Variants in TBC1D12 observed in about 807,000 individuals in gnomAD.
The protein encoded by TBC1D12 is TBC1 domain family member 12.
In TBC1D12, 56 loss-of-function variants were observed where a neutral mutation model predicts 86.7. That is an observed-to-expected ratio of 0.65 (90% CI 0.52 to 0.81). The LOEUF (loss-of-function observed/expected upper bound fraction) is 0.81. TBC1D12 is among the 30% of genes least tolerant of loss of function. The probability of loss-of-function intolerance (pLI) is 0.00; values close to 1 mark genes in which losing one functional copy is unlikely to be tolerated. For missense variants in TBC1D12, 1,023 were observed against 1,038.8 expected (o/e 0.98, Z 0.21); for synonymous variants, 421 against 411.7 (o/e 1.02, Z -0.27).
At position 94,455,188 on chromosome 10, in the gene TBC1D12, AT is replaced by A. The variant is rs745609319; in HGVS notation, c.1095+13181del. Reference sequence around the variant, plus strand: ...TTGATGCAATTGATTAAATTAATTGATTTTTTTTTTTTAAACATTGAGCCAG... The same window carrying A: ...TTGATGCAATTGATTAAATTAATTGATTTTTTTTTTTAAACATTGAGCCAG... On this transcript the variant is annotated intron_variant, in intron 2 of 12. Transcript: ENST00000225235. Among the ~76,000 whole-genome samples, 382 of 147,072 alleles carry A rather than the reference AT, an allele frequency of 2.6e-3. 2 individuals are homozygous for A. Among genetic ancestry groups the A allele is most frequent in the East Asian group, 0.01 (52 of 5,048 alleles).
chr10:94,513,832 T>A (rs1399291991), intron 9 of TBC1D12, among the ~76,000 whole-genome samples: 1 of 152,162 alleles, frequency 6.6e-6, no homozygotes. Flanking sequence ...GTGCTGGGAT[T>A]ACAAGTGTGA....
At chr10:94,448,805 C>A (rs2055508442) in intron 2 of TBC1D12, among the ~76,000 whole-genome samples, 1 of 152,186 alleles carries the variant, frequency 6.6e-6, no homozygotes, top group Non-Finnish European at 1.5e-5. Flanking sequence ...TTGTTACACT[C>A]TTGCATGTTT....
At chr10:94,495,964 A>G (rs533005187) in intron 4 of TBC1D12, among the ~76,000 whole-genome samples, 7 of 152,178 alleles carry the variant, frequency 4.6e-5, no homozygotes, top group South Asian at 2.1e-4. Flanking sequence ...TTAGCTGGGC[A>G]TGGTGGTGTG....
intron 9 of TBC1D12, among the ~76,000 whole-genome samples, chr10:94,513,556 T>C (rs564931228): frequency 9.8e-5 from 15 of 152,304 alleles, no homozygotes; most frequent in Admixed American, 9.2e-4. Flanking sequence ...GTATTTCTTT[T>C]TTTATTTTTA....
intron 9 of TBC1D12, among the ~76,000 whole-genome samples, chr10:94,516,948 A>C (rs1313904008): frequency 6.6e-6 from 1 of 152,006 alleles, no homozygotes; most frequent in Non-Finnish European, 1.5e-5. Flanking sequence ...AGGTTTCACT[A>C]TGTTGCCCAG....
chr10:94,532,703 A>G (rs1471890860), intron 12 of TBC1D12, among the ~76,000 whole-genome samples: 1 of 152,226 alleles, frequency 6.6e-6, no homozygotes, highest in Non-Finnish European at 1.5e-5. Flanking sequence ...TTGGCAATCT[A>G]AGTTAAGTGA....
At chr10:94,464,492 G>A (rs1011646625) in intron 2 of TBC1D12, among the ~76,000 whole-genome samples, 1 of 152,008 alleles carries the variant, frequency 6.6e-6, no homozygotes, top group Non-Finnish European at 1.5e-5. Flanking sequence ...TTGAGACAAA[G>A]TCTGGCTCTA....
chr10:94,406,803 C>G (rs987144277), intron 1 of TBC1D12, among the ~76,000 whole-genome samples: 5 of 152,212 alleles, frequency 3.3e-5, no homozygotes, highest in African/African-American at 1.2e-4. Flanking sequence ...GCAACCCTTA[C>G]TCCCACTTCA....
Position 94,423,411 on chromosome 10 carries a change from G to A in TBC1D12, c.972-18485G>A, listed in dbSNP as rs1346410734. Among the ~76,000 whole-genome samples the A allele has an allele frequency of 2.2e-5, 3 of 137,364 alleles. No homozygotes were observed. In the East Asian group the frequency reaches 7.0e-4, roughly 32 times the overall value. 90.1% of individuals were successfully genotyped at this position (137,364 alleles called of 152,430 possible). On this transcript the variant is annotated intron_variant, in intron 1 of 12. Coordinates refer to ENST00000225235, the MANE Select transcript of TBC1D12 (RefSeq NM_015188.2). Reference sequence around the variant, plus strand: ...TGCCCAGGCTGGAGTGCAGTGGCACGATCTTGGCTCACTGCAACCTCCGCC... The same window carrying A: ...TGCCCAGGCTGGAGTGCAGTGGCACAATCTTGGCTCACTGCAACCTCCGCC...
Position 94,510,114 on chromosome 10 carries a change from G to C in TBC1D12, c.1624G>C (p.Ala542Pro), listed in dbSNP as rs2056508581. 1 of 1,609,234 alleles carries C rather than the reference G, an allele frequency of 6.2e-7. No individual in the cohort carries two copies. The highest frequency in any genetic ancestry group is 8.5e-7 in the Non-Finnish European group (1 of 1,178,820). Reference protein sequence around the residue: ...TEGVSVADREASLELIKLDIS... With the variant: ...TEGVSVADREPSLELIKLDIS... ...AGGTGTATCTGTTGCTGATCGAGAG[G>C]CCAGTCTGGAATTAATTAAGTTGGA... The change falls in exon 8 of 13, where the codon GCC becomes CCC. Residue 542 changes from alanine to proline, a missense_variant. By Grantham distance (27) the Ala-to-Pro change is conservative. This residue lies in a region of TBC1D12 where 395 missense variants were observed against 507.7 expected (regional missense o/e 0.78). Coordinates refer to ENST00000225235, the MANE Select transcript of TBC1D12 (RefSeq NM_015188.2).
In TBC1D12 at chr10:94,521,966, G is replaced by A. The variant is rs1842164322; in HGVS notation, c.1773G>A (p.Met591Ile). 8.7e-6 allele frequency: 14 copies of A among 1,603,976 alleles called. No homozygotes were observed. Among genetic ancestry groups the A allele is most frequent in the Non-Finnish European group, 1.2e-5 (14 of 1,173,256 alleles). The part of the protein sequence containing the change: ...YRPDVGYVQG[M>I]SFIAAVLILN... The stretch of plus-strand genomic sequence containing the variant: ...TTCTCCCTTTGAAGGTCCAAGGGAT[G>A]TCCTTCATTGCAGCAGTACTCATTC... Residue 591 changes from methionine to isoleucine, a missense_variant, in exon 10 of 13, where the codon ATG (methionine) becomes ATA (isoleucine). This residue lies in a region of TBC1D12 where 395 missense variants were observed against 507.7 expected (regional missense o/e 0.78). Transcript: ENST00000225235.
At position 94,521,980 on chromosome 10, in the gene TBC1D12, C is replaced by G. The variant is rs376339709; in HGVS notation, c.1787C>G (p.Ala596Gly). 4 of 1,610,710 alleles carry G rather than the reference C, an allele frequency of 2.5e-6. No homozygotes were observed. The South Asian group carries it at 3.3e-5, about 13-fold the overall frequency. The part of the protein sequence containing the change: ...GYVQGMSFIA[A>G]VLILNLEEAD... ...GTCCAAGGGATGTCCTTCATTGCAG[C>G]AGTACTCATTCTCAATTTGGAAGAG... The change falls in exon 10 of 13, where the codon GCA becomes GGA. Residue 596 changes from alanine (A) to glycine (G), a missense_variant. By Grantham distance (60) the Ala-to-Gly change is moderately conservative (BLOSUM62 0). Coordinates refer to ENST00000225235, the MANE Select transcript of TBC1D12 (RefSeq NM_015188.2).
chr10:94,447,751 G>GTTT, intron 2 of TBC1D12: 1 of 905,240 alleles, frequency 1.1e-6, no homozygotes, highest in Non-Finnish European at 1.3e-6. Context: ...TGAGTTTTTT[G>GTTT]TTTTTTTTTC....
intron 1 of TBC1D12, among the ~76,000 whole-genome samples, chr10:94,413,798 T>C (rs550099066): frequency 6.6e-6 from 1 of 152,158 alleles, no homozygotes; most frequent in African/African-American, 2.4e-5. Context: ...AATATTTCCA[T>C]CTGCTTGTCT....
intron 3 of TBC1D12, among the ~76,000 whole-genome samples, chr10:94,477,534 C>G (rs766947002): frequency 1.3e-5 from 2 of 152,142 alleles, no homozygotes; most frequent in Non-Finnish European, 2.9e-5. Context: ...TAAAGTGGAA[C>G]TTTGTACTTT....
intron 1 of TBC1D12, among the ~76,000 whole-genome samples, chr10:94,417,910 G>A (rs770515312): frequency 3.9e-5 from 6 of 151,986 alleles, no homozygotes; most frequent in Admixed American, 3.9e-4. Flanking sequence ...CACCACGGCT[G>A]CCTAATTATT....
At chr10:94,478,058 A>C (rs2056019323) in intron 3 of TBC1D12, among the ~76,000 whole-genome samples, 1 of 152,036 alleles carries the variant, frequency 6.6e-6, no homozygotes, top group African/African-American at 2.4e-5. Context: ...AAGCAGGAGG[A>C]TCGCTTGAGG....
intron 1 of TBC1D12, among the ~76,000 whole-genome samples, chr10:94,432,404 A>T (rs1250363647): frequency 6.6e-6 from 1 of 152,212 alleles, no homozygotes; most frequent in Non-Finnish European, 1.5e-5. Context: ...GTTTTAACAC[A>T]ATTCCATATA....
chr10:94,436,292 C>T (rs556499554), intron 1 of TBC1D12, among the ~76,000 whole-genome samples: 5 of 151,934 alleles, frequency 3.3e-5, no homozygotes, highest in South Asian at 2.1e-4. Context: ...CGCGCCACCA[C>T]GCCCAGCTAA....
Sources: allele counts gnomAD v4.1 joint callset (sites outside exome capture counted in the v4.1 genomes callset), GRCh38; gene constraint gnomAD v4.1.1; regional missense constraint gnomAD v4.1.1; transcripts MANE v1.5; gene names NCBI Gene and HGNC (gene_info 2026-07-23, HGNC 2026-07-21).